METTL8: variants seen among roughly 807,000 people sequenced by gnomAD.
The protein encoded by METTL8 is methyltransferase 8, tRNA N3-cytidine, also known as tRNA N(3)-cytidine methyltransferase METTL8, mitochondrial.
METTL8 carries 32 observed loss-of-function variants against 48.7 expected under a neutral mutation model. That is an observed-to-expected ratio of 0.66 (90% confidence interval 0.50 to 0.88). METTL8 has a LOEUF of 0.88. Among genes scored for constraint, METTL8 ranks in the 40% least tolerant of loss-of-function variants. The probability of loss-of-function intolerance (pLI) is 0.00; values close to 1 mark genes in which losing one functional copy is unlikely to be tolerated. For missense variants in METTL8, 464 were observed against 474.4 expected (o/e 0.98, Z 0.20); for synonymous variants, 136 against 157.1 (o/e 0.87, Z 1.01).
At chr2:171,342,454 T>A (rs1028256256) in intron 3 of METTL8, among the ~76,000 whole-genome samples, 1 of 152,242 alleles carries the variant, frequency 6.6e-6, no homozygotes, top group Non-Finnish European at 1.5e-5. Flanking sequence ...TTTTCCTTCT[T>A]TTTCAATAAT....
At chr2:171,346,089 T>C (rs1179964177) in intron 3 of METTL8, among the ~76,000 whole-genome samples, 1 of 152,182 alleles carries the variant, frequency 6.6e-6, no homozygotes, top group Non-Finnish European at 1.5e-5. Context: ...AGTGCAGTGG[T>C]GCAATCACAG....
chr2:171,345,734 T>A (rs1352843547), intron 3 of METTL8, among the ~76,000 whole-genome samples: 1 of 152,152 alleles, frequency 6.6e-6, no homozygotes, highest in Non-Finnish European at 1.5e-5. Context: ...TACAGGATAT[T>A]TTAAAGTAAA....
At position 171,318,372 on chromosome 2, in the gene METTL8, T is replaced by C. The variant is rs904164959; in HGVS notation, c.*5800A>G. On this transcript the variant is annotated 3_prime_UTR_variant, in exon 10 of 10. Coordinates refer to ENST00000375258, the MANE Select transcript of METTL8 (RefSeq NM_001321154.2). Reference sequence around the variant, plus strand: ...CGATGTTTTCACTCATATTTTATTATGGACACCTCCTGATTTCACATATTT... The same window carrying C: ...CGATGTTTTCACTCATATTTTATTACGGACACCTCCTGATTTCACATATTT... 3 of 152,260 alleles carry C rather than the reference T, an allele frequency of 2.0e-5. No individual in the cohort carries two copies. The highest frequency in any genetic ancestry group is 6.5e-5 in the Admixed American group (1 of 15,280). The allele number at this position is 152,260 out of a possible 1,614,324, so 9.4% of individuals were successfully genotyped here.
intron 2 of METTL8, among the ~76,000 whole-genome samples, chr2:171,382,026 C>T (rs937451560): frequency 6.6e-5 from 10 of 152,134 alleles, no homozygotes; most frequent in Admixed American, 2.6e-4. Flanking sequence ...TCATGATTCG[C>T]CCACCTTGGC....
At chr2:171,344,516 T>C (rs974216460) in intron 3 of METTL8, among the ~76,000 whole-genome samples, 1 of 152,198 alleles carries the variant, frequency 6.6e-6, no homozygotes, top group African/African-American at 2.4e-5. Context: ...GTAACTACAT[T>C]GTAAAAATAA....
At position 171,347,423 on chromosome 2, in the gene METTL8, T is replaced by C. The variant is rs189477365; in HGVS notation, c.236-7869A>G. On this transcript the variant is annotated intron_variant, in intron 3 of 9. Coordinates refer to ENST00000375258, the MANE Select transcript of METTL8 (RefSeq NM_001321154.2). Reference sequence around the variant, plus strand: ...CTTCTCATTAGCTTCACCAAGTTCATTGTTAACATAAATAGGACAAAATAG... The same window carrying C: ...CTTCTCATTAGCTTCACCAAGTTCACTGTTAACATAAATAGGACAAAATAG... Among the ~76,000 whole-genome samples, 274 of 152,278 alleles carry C rather than the reference T, an allele frequency of 1.8e-3. 1 individual carries two copies. Among genetic ancestry groups the C allele is most frequent in the Non-Finnish European group, 2.6e-3 (175 of 68,014 alleles).
chr2:171,431,540 T>C (rs1461741125), intron 1 of METTL8, among the ~76,000 whole-genome samples: 1 of 152,228 alleles, frequency 6.6e-6, no homozygotes, highest in East Asian at 1.9e-4. Context: ...TCAAGAGCTG[T>C]TTTGTTGCTC....
At chr2:171,410,198 C>T (rs542494141) in intron 1 of METTL8, among the ~76,000 whole-genome samples, 1 of 152,292 alleles carries the variant, frequency 6.6e-6, no homozygotes, top group East Asian at 1.9e-4. Context: ...GTTAAGAGCT[C>T]AGAACCACAT....
At chr2:171,337,133 C>T (rs1686208456) in intron 5 of METTL8, among the ~76,000 whole-genome samples, 4 of 152,112 alleles carry the variant, frequency 2.6e-5, no homozygotes, top group Non-Finnish European at 5.9e-5. Context: ...ACCCAAAGTG[C>T]TGTGATTAAA....
At chr2:171,385,368 G>A (rs897411953) in intron 2 of METTL8, among the ~76,000 whole-genome samples, 20 of 151,718 alleles carry the variant, frequency 1.3e-4, no homozygotes, top group Non-Finnish European at 2.4e-4. Flanking sequence ...CAGCAAGAGA[G>A]GAAACACTAT....
chr2:171,393,310 G>A lies in METTL8; in HGVS notation c.-12-1113C>T, dbSNP rs143815565. Among the ~76,000 whole-genome samples, 25 of 149,242 alleles carry A rather than the reference G, an allele frequency of 1.7e-4. 1 individual carries two copies. In the East Asian group the frequency reaches 2.8e-3, roughly 17 times the overall value. Reference sequence around the variant, plus strand: ...TGCACATCTGTGGTTCCAGCTACACGAGAGGCCAAGCCTAGAGGCTGAAGC... The same window carrying A: ...TGCACATCTGTGGTTCCAGCTACACAAGAGGCCAAGCCTAGAGGCTGAAGC... On this transcript the variant is annotated intron_variant, in intron 1 of 9. Coordinates refer to ENST00000375258, the MANE Select transcript of METTL8 (RefSeq NM_001321154.2).
At chr2:171,343,854 T>C (rs1019906500) in intron 3 of METTL8, among the ~76,000 whole-genome samples, 3 of 152,190 alleles carry the variant, frequency 2.0e-5, no homozygotes, top group African/African-American at 2.4e-5. Context: ...TTGGATCAGA[T>C]TGCCGTTTTA....
intron 4 of METTL8, 49 bp from the exon 5 acceptor site, chr2:171,337,551 T>C (rs1686251058): frequency 6.9e-7 from 1 of 1,449,310 alleles, no homozygotes; most frequent in African/African-American, 1.4e-5. Context: ...GGTTAAATTT[T>C]TGTCACCAAT....
chr2:171,429,198 A>T (rs1377892017), intron 1 of METTL8, among the ~76,000 whole-genome samples: 1 of 152,202 alleles, frequency 6.6e-6, no homozygotes, highest in Non-Finnish European at 1.5e-5. Context: ...GTGCTGTCAC[A>T]AGATTTGAAT....
intron 1 of METTL8, among the ~76,000 whole-genome samples, chr2:171,416,459 T>C: frequency 6.6e-6 from 1 of 152,156 alleles, no homozygotes; most frequent in East Asian, 1.9e-4. Context: ...AAGAGAAACA[T>C]CCTAAAAACT....
intron 1 of METTL8, among the ~76,000 whole-genome samples, chr2:171,430,590 G>T (rs1427836105): frequency 6.6e-6 from 1 of 152,144 alleles, no homozygotes; most frequent in Non-Finnish European, 1.5e-5. Flanking sequence ...GCTGCTGAAA[G>T]AATGCAACAG....
chr2:171,363,435 A>G (rs1222869171), intron 2 of METTL8, among the ~76,000 whole-genome samples: 2 of 152,144 alleles, frequency 1.3e-5, no homozygotes, highest in Non-Finnish European at 2.9e-5. Flanking sequence ...AAGCATAGAA[A>G]CAAATAATAA....
At chr2:171,417,132 A>T (rs1313382893) in intron 1 of METTL8, among the ~76,000 whole-genome samples, 1 of 152,232 alleles carries the variant, frequency 6.6e-6, no homozygotes, top group East Asian at 1.9e-4. Flanking sequence ...TATGTGTGGC[A>T]TGTCTATGCC....
chr2:171,415,632 T>C (rs1454457229), intron 1 of METTL8, among the ~76,000 whole-genome samples: 1 of 152,056 alleles, frequency 6.6e-6, no homozygotes, highest in Non-Finnish European at 1.5e-5. Flanking sequence ...TTACAGGCAT[T>C]AGCTACCACG....
Sources: allele counts gnomAD v4.1 joint callset (sites outside exome capture counted in the v4.1 genomes callset), GRCh38; gene constraint gnomAD v4.1.1; transcripts MANE v1.5; gene names NCBI Gene and HGNC (gene_info 2026-07-23, HGNC 2026-07-21).